GABBR1: variants seen among roughly 807,000 people sequenced by gnomAD.
GABBR1 encodes GABA-B receptor, R1 subunit.
A neutral mutation model predicts 117.7 loss-of-function variants in GABBR1; 35 were observed. The ratio of observed to expected loss-of-function variants is 0.30; its 90% CI spans 0.23 to 0.39. GABBR1 has a LOEUF of 0.39. Ranked by LOEUF, GABBR1 falls within the 10% of genes least tolerant of loss-of-function variation. The probability of loss-of-function intolerance (pLI) is 1.00; values close to 1 mark genes in which losing one functional copy is unlikely to be tolerated. For missense variants in GABBR1, 709 were observed against 1,241.8 expected, an observed-to-expected ratio of 0.57 and a Z score of 6.45; for synonymous variants, 442 against 486.6, an observed-to-expected ratio of 0.91 and a Z score of 1.21.
Position 29,621,763 on chromosome 6 carries a change from C to T in GABBR1, c.1120G>A (p.Val374Ile). Residue 374 changes from valine to isoleucine, a missense_variant, in exon 10 of 23, where the codon GTT (valine) becomes ATT (isoleucine). Transcript: ENST00000377034. This position sits in a 1 kb window ranked among gnomAD's most constrained non-coding sequence, Gnocchi z 5.0. ...AGATCCAACTCCACCTCACAAAAAA[C>T]TTTCCGGGCTTCAGTCTCATAGAAA... is the stretch of plus-strand genomic sequence containing the variant. ...GLFYETEARKVFCEVYKERLF... is the reference protein window; with the variant it reads ...GLFYETEARKIFCEVYKERLF... 1 of 1,613,654 alleles carries T rather than the reference C, an allele frequency of 6.2e-7. No homozygotes were observed. The highest frequency in any genetic ancestry group is 8.5e-7 in the Non-Finnish European group (1 of 1,179,620).
Position 29,620,365 on chromosome 6 carries a change from G to T in GABBR1, c.1323+736C>A, listed in dbSNP as rs917774592. On this transcript the variant is annotated intron_variant, in intron 11 of 22. Transcript: ENST00000377034. This position sits in a 1 kb window ranked among gnomAD's most constrained non-coding sequence, Gnocchi z 4.5. Reference sequence around the variant, plus strand: ...GCTCTCCAAAGCAGGTACACACTTGGTGTAATAAGCAGACACATAGGTGGC... The same window carrying T: ...GCTCTCCAAAGCAGGTACACACTTGTTGTAATAAGCAGACACATAGGTGGC... 2.0e-5 allele frequency among the ~76,000 whole-genome samples: 3 copies of T among 152,144 alleles called. No individual in the cohort carries two copies. The highest frequency in any genetic ancestry group is 6.5e-5 in the Admixed American group (1 of 15,272).
In GABBR1 at chr6:29,611,739, C is replaced by T. The variant is rs1400110726; in HGVS notation, c.1631-738G>A. ...CCGAGTGGAGCAGAAAAATTAACTCCTAGAAGTTCTGCAAATACCTGTGTG... is the reference window on the plus strand; with the variant it reads ...CCGAGTGGAGCAGAAAAATTAACTCTTAGAAGTTCTGCAAATACCTGTGTG... On this transcript the variant is annotated intron_variant, in intron 13 of 22. Transcript: ENST00000377034. This position sits in a 1 kb window ranked among gnomAD's most constrained non-coding sequence, Gnocchi z 4.6. Among the ~76,000 whole-genome samples, 1 of 152,182 alleles carries T rather than the reference C, an allele frequency of 6.6e-6. No homozygotes were observed. Among genetic ancestry groups the T allele is most frequent in the Non-Finnish European group, 1.5e-5 (1 of 68,032 alleles).
chr6:29,632,808 C>A lies in GABBR1; in HGVS notation c.-1+42G>T. On this transcript the variant is annotated intron_variant, in intron 1 of 22. Transcript: ENST00000377034. This position sits in a 1 kb window ranked among gnomAD's most constrained non-coding sequence, Gnocchi z 5.8. ...GCCCCCTCCCCCACCACGCCGCGCG[C>A]CCCCTCTCCGAGCCCTGCTAACCCG... The A allele has an allele frequency of 1.4e-6, 1 of 694,878 alleles. No homozygotes were observed. Among genetic ancestry groups the A allele is most frequent in the African/African-American group, 2.0e-5 (1 of 50,466 alleles). The allele number at this position is 694,878 out of a possible 1,614,324, so 43.0% of individuals were successfully genotyped here. A position where few individuals can be genotyped will look rare whatever the true frequency, so the allele number is the denominator to read the frequency against.
intron 4 of GABBR1, 77 bp from the exon 5 acceptor site, chr6:29,629,184 TC>T: frequency 2.0e-6 from 3 of 1,512,764 alleles, no homozygotes; most frequent in Non-Finnish European, 2.7e-6. Context: ...CCCAGCCCCC[TC>T]CCACACCTGT....
Position 29,609,461 on chromosome 6 carries a change from G to T in GABBR1, c.1709-82C>A. 1 of 1,264,016 alleles carries T rather than the reference G, an allele frequency of 7.9e-7. No homozygotes were observed. The highest frequency in any genetic ancestry group is 1.1e-6 in the Non-Finnish European group (1 of 884,852). The allele number at this position is 1,264,016 out of a possible 1,614,324, so 78.3% of individuals were successfully genotyped here. A position where few individuals can be genotyped will look rare whatever the true frequency, so the allele number is the denominator to read the frequency against. The stretch of plus-strand genomic sequence containing the variant: ...GGAATGAAGACGGGATAGGAGAAAA[G>T]GGCAAAGAACTAGATTGCTGATGGA... On this transcript the variant is annotated intron_variant, in intron 14 of 22. Coordinates refer to ENST00000377034, the MANE Select transcript of GABBR1 (RefSeq NM_001470.4). The surrounding 1 kb of genome is among the most constrained non-coding windows in gnomAD (Gnocchi z 4.3).
rs1411254104 is a variant in GABBR1 at position 29,627,820 on chromosome 6, G to A, written c.497-174C>T. ...GTGGGGGGCAGGGGTAGCTGTTGGG[G>A]AGCGTTAGGAGCTCAGGGGGGACAC... On this transcript the variant is annotated intron_variant, in intron 5 of 22. Coordinates refer to ENST00000377034, the MANE Select transcript of GABBR1 (RefSeq NM_001470.4). The surrounding 1 kb of genome is among the most constrained non-coding windows in gnomAD (Gnocchi z 4.4). 9.1e-6 allele frequency: 13 copies of A among 1,422,114 alleles called. No individual in the cohort carries two copies. The African/African-American group carries it at 1.7e-4, about 19-fold the overall frequency. 88.1% of individuals were successfully genotyped at this position (1,422,114 alleles called of 1,614,324 possible). A position where few individuals can be genotyped will look rare whatever the true frequency, so the allele number is the denominator to read the frequency against.
Position 29,623,234 on chromosome 6 carries a change from T to C in GABBR1, c.963+71A>G. The C allele has an allele frequency of 7.1e-7, 1 of 1,406,232 alleles. No individual in the cohort carries two copies. The highest frequency in any genetic ancestry group is 9.8e-7 in the Non-Finnish European group (1 of 1,018,104). 87.1% of individuals were successfully genotyped at this position (1,406,232 alleles called of 1,614,324 possible). On this transcript the variant is annotated intron_variant, in intron 8 of 22. Coordinates refer to ENST00000377034, the MANE Select transcript of GABBR1 (RefSeq NM_001470.4). The surrounding 1 kb of genome is among the most constrained non-coding windows in gnomAD (Gnocchi z 6.2). ...TCAAGTTCTTGCCCCTAAAAGTGAC[T>C]CTCACGTCACATCTCCTGGTGCTGG... is the stretch of plus-strand genomic sequence containing the variant.
chr6:29,632,957 C>A lies in GABBR1; in HGVS notation c.-108G>T. On this transcript the variant is annotated 5_prime_UTR_variant, in exon 1 of 23. Transcript: ENST00000377034. This position sits in a 1 kb window ranked among gnomAD's most constrained non-coding sequence, Gnocchi z 5.8. ...TTCTCCTCCACCTTTCTCCTCCTCC[C>A]GTCCCTCCTCCCCTCGAATCCAGGC... 5.3e-6 allele frequency: 1 copy of A among 188,568 alleles called. No homozygotes were observed. The highest frequency in any genetic ancestry group is 6.1e-5 in the South Asian group (1 of 16,360). The allele number at this position is 188,568 out of a possible 1,614,324, so 11.7% of individuals were successfully genotyped here.
In GABBR1 at chr6:29,610,955, A is replaced by C; in HGVS notation, c.1677T>G (p.Asp559Glu). 6.2e-7 allele frequency: 1 copy of C among 1,613,082 alleles called. No individual in the cohort carries two copies. Among genetic ancestry groups the C allele is most frequent in the Non-Finnish European group, 8.5e-7 (1 of 1,180,006 alleles). ...KIGYYDSTKD[D>E]LSWSKTDKWI... is the part of the protein sequence containing the mutation. ...ATTTATCTGTTTTGGACCAGGAAAG[A>C]TCATCCTTGGTGCTGTCATAGTAGC... The change falls in exon 14 of 23, where the codon GAT becomes GAG. Residue 559 changes from aspartate to glutamate, a missense_variant. Asp to Glu is a conservative substitution (Grantham distance 45). This residue lies in a region of GABBR1 where 251 missense variants were observed against 445.3 expected (regional missense o/e 0.56). Transcript: ENST00000377034.
Position 29,606,514 on chromosome 6 carries a change from TGG to T in GABBR1, c.2218-32_2218-31del. The T allele has an allele frequency of 6.7e-7, 1 of 1,493,998 alleles. No homozygotes were observed. Among genetic ancestry groups the T allele is most frequent in the Admixed American group, 1.7e-5 (1 of 59,856 alleles). The allele number at this position is 1,493,998 out of a possible 1,614,324, so 92.5% of individuals were successfully genotyped here. On this transcript the variant is annotated intron_variant, in intron 18 of 22. Coordinates refer to ENST00000377034, the MANE Select transcript of GABBR1 (RefSeq NM_001470.4). This position sits in a 1 kb window ranked among gnomAD's most constrained non-coding sequence, Gnocchi z 4.5. ...GGCAGAAACAAGGTCACAAGAAAGATGGTTGCCAGCCTCCCCTCCTCTCCTCA... is the reference window on the plus strand; with the variant it reads ...GGCAGAAACAAGGTCACAAGAAAGATTTGCCAGCCTCCCCTCCTCTCCTCA...
chr6:29,632,178 G>T lies in GABBR1; in HGVS notation c.85+123C>A. On this transcript the variant is annotated intron_variant, in intron 2 of 22. Transcript: ENST00000377034. This position sits in a 1 kb window ranked among gnomAD's most constrained non-coding sequence, Gnocchi z 5.8. ...AGTAGTAAAGTCGGGCCGAGCAGAA[G>T]GGGTTGCCAGACCGGGATGATATGT... 1.7e-6 allele frequency: 1 copy of T among 573,532 alleles called. No individual in the cohort carries two copies. Among genetic ancestry groups the T allele is most frequent in the South Asian group, 3.5e-5 (1 of 28,302 alleles). The allele number at this position is 573,532 out of a possible 1,614,324, so 35.5% of individuals were successfully genotyped here. A position where few individuals can be genotyped will look rare whatever the true frequency, so the allele number is the denominator to read the frequency against.
At position 29,631,798 on chromosome 6, in the gene GABBR1, G is replaced by A. The variant is rs191947745; in HGVS notation, c.86-199C>T. Among the ~76,000 whole-genome samples the A allele has an allele frequency of 2.0e-5, 3 of 152,206 alleles. No individual in the cohort carries two copies. Among genetic ancestry groups the A allele is most frequent in the East Asian group, 3.9e-4 (2 of 5,162 alleles). Reference sequence around the variant, plus strand: ...TAAAGGACAGAGAGTAAAGGGCCAGGGTTAAAGCTGATGAGAGAACCCACA... The same window carrying A: ...TAAAGGACAGAGAGTAAAGGGCCAGAGTTAAAGCTGATGAGAGAACCCACA... On this transcript the variant is annotated intron_variant, in intron 2 of 22. Transcript: ENST00000377034. This position sits in a 1 kb window ranked among gnomAD's most constrained non-coding sequence, Gnocchi z 5.9.
Position 29,632,788 on chromosome 6 carries a change from C to T in GABBR1, c.-1+62G>A. On this transcript the variant is annotated intron_variant, in intron 1 of 22. Coordinates refer to ENST00000377034, the MANE Select transcript of GABBR1 (RefSeq NM_001470.4). This position sits in a 1 kb window ranked among gnomAD's most constrained non-coding sequence, Gnocchi z 5.8. ...AGCTGGGCCCTGCGCCCACTGCCCC[C>T]TCCCCCACCACGCCGCGCGCCCCCT... The T allele has an allele frequency of 1.2e-6, 1 of 843,784 alleles. No individual in the cohort carries two copies. The highest frequency in any genetic ancestry group is 1.5e-6 in the Non-Finnish European group (1 of 648,300). 52.3% of individuals were successfully genotyped at this position (843,784 alleles called of 1,614,324 possible). A position where few individuals can be genotyped will look rare whatever the true frequency, so the allele number is the denominator to read the frequency against.
intron 22 of GABBR1, among the ~76,000 whole-genome samples, 160 bp from the exon 23 acceptor site, chr6:29,603,876 A>G (rs894709458): frequency 5.3e-5 from 8 of 152,058 alleles, no homozygotes; most frequent in Non-Finnish European, 8.8e-5. Flanking sequence ...AAAAGGAGAA[A>G]TCAAAACAGA....
rs560254994 is a variant in GABBR1 at position 29,604,555 on chromosome 6, T to C, written c.2651A>G (p.Glu884Gly). 5 of 1,613,192 alleles carry C rather than the reference T, an allele frequency of 3.1e-6. No homozygotes were observed. Among genetic ancestry groups the C allele is most frequent in the Non-Finnish European group, 4.2e-6 (5 of 1,180,038 alleles). The change falls in exon 22 of 23, where the codon GAG becomes GGG. Residue 884 changes from glutamate to glycine, a missense_variant. By Grantham distance (98) the Glu-to-Gly change is moderately conservative (BLOSUM62 -2). Around this residue, in one of 9 missense-constraint regions of GABBR1, gnomAD observed 251 missense variants for 445.3 expected, o/e 0.56. Transcript: ENST00000377034. This position sits in a 1 kb window ranked among gnomAD's most constrained non-coding sequence, Gnocchi z 5.3. ...MKTGSSTNNN[E>G]EEKSRLLEKE... ...CTCCAACAGCCGGGACTTCTCCTCC[T>C]CGTTGTTGTTGGTCGATGACCCTGT...
At position 29,609,994 on chromosome 6, in the gene GABBR1, GT is replaced by G. The variant is rs147340874; in HGVS notation, c.1709-616del. Reference sequence around the variant, plus strand: ...AAAAAAACTAATTTCAATTTGCTTAGTTTTTTTTTTAAAGAATAATTTAGGC... The same window carrying G: ...AAAAAAACTAATTTCAATTTGCTTAGTTTTTTTTTAAAGAATAATTTAGGC... On this transcript the variant is annotated intron_variant, in intron 14 of 22. Transcript: ENST00000377034. This position sits in a 1 kb window ranked among gnomAD's most constrained non-coding sequence, Gnocchi z 4.3. 2.8e-5 allele frequency among the ~76,000 whole-genome samples: 4 copies of G among 140,660 alleles called. No homozygotes were observed. The highest frequency in any genetic ancestry group is 4.7e-4 in the South Asian group (2 of 4,250). The allele number at this position is 140,660 out of a possible 152,430, so 92.3% of individuals were successfully genotyped here.
chr6:29,613,036 G>T lies in GABBR1; in HGVS notation c.1566+207C>A, dbSNP rs1281322211. ...TAGTTTGAAAAGAAATGAGGGGAGG[G>T]GTTTAAAAAAATGGAATACATCATT... is the stretch of plus-strand genomic sequence containing the variant. On this transcript the variant is annotated intron_variant, in intron 12 of 22. Coordinates refer to ENST00000377034, the MANE Select transcript of GABBR1 (RefSeq NM_001470.4). This position sits in a 1 kb window ranked among gnomAD's most constrained non-coding sequence, Gnocchi z 4.1. 6.6e-6 allele frequency among the ~76,000 whole-genome samples: 1 copy of T among 151,980 alleles called. No homozygotes were observed. Among genetic ancestry groups the T allele is most frequent in the African/African-American group, 2.4e-5 (1 of 41,360 alleles).
At position 29,623,316 on chromosome 6, in the gene GABBR1, C is replaced by T; in HGVS notation, c.952G>A (p.Val318Ile). 6.2e-7 allele frequency: 1 copy of T among 1,613,860 alleles called. No homozygotes were observed. Among genetic ancestry groups the T allele is most frequent in the Non-Finnish European group, 8.5e-7 (1 of 1,179,832 alleles). ...CAACCCCTCCTCACCGAAGTGAAGA[C>T]CTCAGTGGTCTGCTGGATGGTAGCA... ...KIATIQQTTEVFTSTLDDLEE... is the reference protein window; with the variant it reads ...KIATIQQTTEIFTSTLDDLEE... The change falls in exon 8 of 23, where the codon GTC becomes ATC. Residue 318 changes from valine to isoleucine, a missense_variant. Coordinates refer to ENST00000377034, the MANE Select transcript of GABBR1 (RefSeq NM_001470.4). This position sits in a 1 kb window ranked among gnomAD's most constrained non-coding sequence, Gnocchi z 6.2.
Position 29,613,500 on chromosome 6 carries a change from A to G in GABBR1, c.1324-15T>C, listed in dbSNP as rs1762764256. ...TCCTGGGATGTCTTGGGAGGAAAAA[A>G]TCATGAGGAAAGAACTGAAATGTGT... On this transcript the variant is annotated splice_polypyrimidine_tract_variant and intron_variant, in intron 11 of 22. Coordinates refer to ENST00000377034, the MANE Select transcript of GABBR1 (RefSeq NM_001470.4). The surrounding 1 kb of genome is among the most constrained non-coding windows in gnomAD (Gnocchi z 4.1). The G allele has an allele frequency of 1.2e-6, 2 of 1,610,246 alleles. No homozygotes were observed. The highest frequency in any genetic ancestry group is 1.1e-5 in the South Asian group (1 of 90,984).
Sources: allele counts gnomAD v4.1 joint callset (sites outside exome capture counted in the v4.1 genomes callset), GRCh38; gene constraint gnomAD v4.1.1; regional missense constraint gnomAD v4.1.1; non-coding constraint Gnocchi (gnomAD v3.1); transcripts MANE v1.5; gene names NCBI Gene and HGNC (gene_info 2026-07-23, HGNC 2026-07-21).